MACROD2: variants seen among roughly 807,000 people sequenced by gnomAD.
MACROD2 encodes the protein ADP-ribose glycohydrolase MACROD2.
In MACROD2, 36 loss-of-function variants were observed where a neutral mutation model predicts 70.4. The observed-to-expected ratio is 0.51, with a 90% confidence interval of 0.39 to 0.68. The LOEUF is 0.68. MACROD2 is among the 30% of genes least tolerant of loss of function. MACROD2 has a pLI of 0.00. For missense variants in MACROD2, 496 were observed against 538.4 expected (o/e 0.92, Z 0.78); for synonymous variants, 172 against 178.8 (o/e 0.96, Z 0.30).
intron 5 of MACROD2, among the ~76,000 whole-genome samples, chr20:14,814,431 G>A (rs961593816): frequency 6.6e-6 from 1 of 152,054 alleles, no homozygotes; most frequent in African/African-American, 2.4e-5. Flanking sequence ...GAAATCAGTT[G>A]TAAAAGGGAG....
chr20:15,845,742 A>G (rs1312985067), intron 8 of MACROD2, among the ~76,000 whole-genome samples: 5 of 152,180 alleles, frequency 3.3e-5, no homozygotes, highest in Non-Finnish European at 7.3e-5. Context: ...AACAGTTGCT[A>G]TGTGATAATT....
intron 5 of MACROD2, among the ~76,000 whole-genome samples, chr20:14,860,779 G>A (rs2073307076): frequency 6.6e-6 from 1 of 152,022 alleles, no homozygotes; most frequent in African/African-American, 2.4e-5. Context: ...ACTAGTGCCA[G>A]CAAATGAAAT....
chr20:15,222,155 T>C (rs896545806), intron 5 of MACROD2, among the ~76,000 whole-genome samples: 14 of 152,204 alleles, frequency 9.2e-5, no homozygotes, highest in Non-Finnish European at 4.4e-5. Flanking sequence ...GACTATAGTC[T>C]TTCCGGACAT....
chr20:14,729,211 A>G (rs1274782842), intron 5 of MACROD2, among the ~76,000 whole-genome samples: 1 of 152,170 alleles, frequency 6.6e-6, no homozygotes, highest in African/African-American at 2.4e-5. Context: ...TACAAATATC[A>G]TAGATGATTA....
At chr20:14,713,869 T>G (rs2071366060) in intron 5 of MACROD2, among the ~76,000 whole-genome samples, 1 of 152,200 alleles carries the variant, frequency 6.6e-6, no homozygotes, top group Non-Finnish European at 1.5e-5. Flanking sequence ...GTAATTGGAC[T>G]TCAGTGGCCT....
chr20:15,700,113 G>A (rs762841302), intron 8 of MACROD2, among the ~76,000 whole-genome samples: 1 of 152,124 alleles, frequency 6.6e-6, no homozygotes, highest in Non-Finnish European at 1.5e-5. Context: ...GGGGTCTCTC[G>A]GGTCCTGCAG....
At chr20:14,055,689 G>C (rs1373117178) in intron 2 of MACROD2, among the ~76,000 whole-genome samples, 1 of 151,454 alleles carries the variant, frequency 6.6e-6, no homozygotes, top group Non-Finnish European at 1.5e-5. Flanking sequence ...ACATATACCA[G>C]CTGTCTCTTC....
intron 5 of MACROD2, among the ~76,000 whole-genome samples, chr20:15,012,259 A>G (rs1484664194): frequency 6.6e-6 from 1 of 152,202 alleles, no homozygotes; most frequent in Non-Finnish European, 1.5e-5. Flanking sequence ...AAGACCTAAA[A>G]GTAAGACCAC....
At chr20:14,879,339 T>A (rs1383833954) in intron 5 of MACROD2, among the ~76,000 whole-genome samples, 1 of 152,224 alleles carries the variant, frequency 6.6e-6, no homozygotes, top group Non-Finnish European at 1.5e-5. Flanking sequence ...TAAAAAAGTA[T>A]TCTTCCAAGT....
chr20:15,476,783 G>A (rs2047027990), intron 7 of MACROD2, among the ~76,000 whole-genome samples: 1 of 152,216 alleles, frequency 6.6e-6, no homozygotes, highest in Non-Finnish European at 1.5e-5. Context: ...AAAATGGAAT[G>A]TCTTCAGGTG....
intron 4 of MACROD2, among the ~76,000 whole-genome samples, chr20:14,679,205 G>A (rs1269742018): frequency 1.3e-5 from 2 of 152,136 alleles, no homozygotes; most frequent in Non-Finnish European, 2.9e-5. Flanking sequence ...GAATATGATG[G>A]GAACATAAAG....
intron 8 of MACROD2, among the ~76,000 whole-genome samples, chr20:15,740,862 T>A (rs925392140): frequency 6.6e-6 from 1 of 152,058 alleles, no homozygotes; most frequent in East Asian, 1.9e-4. Context: ...ATTGTATTCA[T>A]AATGTGATCA....
chr20:14,138,592 AGCATGGAATAGTGATTGCCGGTG>A (rs780537489), intron 3 of MACROD2, among the ~76,000 whole-genome samples: 33 of 152,320 alleles, frequency 2.2e-4, no homozygotes, highest in Non-Finnish European at 4.0e-4. Context: ...TAGTATGTAC[AGCATGGAATAGTGATTGCCGGTG>A]GCTGGGTGGG....
At chr20:15,872,159 GGCTAGAGCTCCTGAAAA>G (rs903930974) in intron 9 of MACROD2, among the ~76,000 whole-genome samples, 4 of 152,070 alleles carry the variant, frequency 2.6e-5, no homozygotes, top group African/African-American at 9.7e-5. Context: ...GCATTAGTAG[GGCTAGAGCTCCTGAAAA>G]GCTAGAGCTC....
chr20:14,941,772 TTC>T (rs1037561917), intron 5 of MACROD2, among the ~76,000 whole-genome samples: 3 of 150,276 alleles, frequency 2.0e-5, no homozygotes, highest in African/African-American at 7.5e-5. Context: ...CTGAATTTCT[TTC>T]TCTCTCTCTT....
At chr20:16,031,327 T>C (rs1476331000) in intron 15 of MACROD2, among the ~76,000 whole-genome samples, 1 of 152,174 alleles carries the variant, frequency 6.6e-6, no homozygotes, top group Non-Finnish European at 1.5e-5. Flanking sequence ...TTGAGTATAC[T>C]CACTGCTGGA....
chr20:15,451,425 A>AAT (rs2046640833), intron 7 of MACROD2, among the ~76,000 whole-genome samples: 2 of 140,648 alleles, frequency 1.4e-5, no homozygotes, highest in Non-Finnish European at 3.0e-5. Flanking sequence ...AATAAAAAAA[A>AAT]AAAAAAAAAA....
At chr20:14,013,604 C>A (rs1386569547) in intron 2 of MACROD2, among the ~76,000 whole-genome samples, 4 of 149,820 alleles carry the variant, frequency 2.7e-5, no homozygotes, top group Non-Finnish European at 5.9e-5. Flanking sequence ...ATTATTTTGA[C>A]AACACATCAA....
intron 5 of MACROD2, among the ~76,000 whole-genome samples, chr20:14,924,950 C>G (rs2074211387): frequency 6.6e-6 from 1 of 151,976 alleles, no homozygotes; most frequent in Non-Finnish European, 1.5e-5. Context: ...TGCCTTGCCT[C>G]CTTAGGTTCT....
Sources: gnomAD v4.1 joint callset for allele counts (sites outside exome capture counted in the v4.1 genomes callset) on GRCh38, gnomAD v4.1.1 for gene constraint, MANE v1.5 for transcripts, NCBI Gene and HGNC (gene_info 2026-07-23, HGNC 2026-07-21) for gene names.